Variants in AGAP1 observed in about 807,000 individuals in gnomAD.
The protein encoded by AGAP1 is ArfGAP with GTPase domain, ankyrin repeat and PH domain 1.
In AGAP1, 29 loss-of-function variants were observed where a neutral mutation model predicts 105.3. The ratio of observed to expected loss-of-function variants is 0.28; its 90% CI spans 0.21 to 0.38. The LOEUF is 0.38. AGAP1 is among the 10% of genes least tolerant of loss of function. AGAP1 has a pLI of 1.00. For synonymous variants in AGAP1, 509 were observed against 485.9 expected (o/e 1.05, Z -0.63); for missense variants, 998 against 1,165.1 (o/e 0.86, Z 2.09).
At chr2:235,916,273 A>G (rs2051879577) in intron 11 of AGAP1, among the ~76,000 whole-genome samples, 1 of 152,178 alleles carries the variant, frequency 6.6e-6, no homozygotes, top group African/African-American at 2.4e-5. Context: ...ATCCACTTCC[A>G]TTCTTTTGGC....
Position 235,578,432 on chromosome 2 carries a change from A to C in AGAP1, c.163+83583A>C, listed in dbSNP as rs569504531. 1.2e-4 allele frequency among the ~76,000 whole-genome samples: 18 copies of C among 152,320 alleles called. No homozygotes were observed. In the South Asian group the frequency reaches 2.9e-3, roughly 25 times the overall value. On this transcript the variant is annotated intron_variant, in intron 1 of 17. Transcript: ENST00000304032. The surrounding 1 kb of genome is among the most constrained non-coding windows in gnomAD (Gnocchi z 4.9). ...TGCCAGTGTGAATGTACTTAGTGCCACTGAGCTGCACACTTAAAAGTGGGT... is the reference window on the plus strand; with the variant it reads ...TGCCAGTGTGAATGTACTTAGTGCCCCTGAGCTGCACACTTAAAAGTGGGT...
chr2:235,974,582 T>A (rs1284223763), intron 13 of AGAP1, among the ~76,000 whole-genome samples: 1 of 152,218 alleles, frequency 6.6e-6, no homozygotes, highest in Non-Finnish European at 1.5e-5. Context: ...CACCATTGTG[T>A]GGTTGATCCT....
Position 235,777,095 on chromosome 2 carries a change from A to G in AGAP1, c.674-20664A>G, listed in dbSNP as rs1267614871. On this transcript the variant is annotated intron_variant, in intron 6 of 17. Transcript: ENST00000304032. The surrounding 1 kb of genome is among the most constrained non-coding windows in gnomAD (Gnocchi z 5.1). ...GAAGTGATGCTGGGCGCGGTGGCTC[A>G]TGCCTGTAATTCCAGCACTTTGAGA... The G allele has an allele frequency of 2.1e-6, 1 of 470,292 alleles. No homozygotes were observed. The highest frequency in any genetic ancestry group is 4.4e-6 in the Non-Finnish European group (1 of 226,656). 29.1% of individuals were successfully genotyped at this position (470,292 alleles called of 1,614,324 possible). A position where few individuals can be genotyped will look rare whatever the true frequency, so the allele number is the denominator to read the frequency against.
intron 1 of AGAP1, among the ~76,000 whole-genome samples, chr2:235,545,973 C>T (rs1293627164): frequency 1.3e-5 from 2 of 152,232 alleles, no homozygotes; most frequent in African/African-American, 2.4e-5. Flanking sequence ...CCCCTAGGCA[C>T]CTTGGCCAGA....
chr2:236,055,780 T>C lies in AGAP1; in HGVS notation c.2114+6499T>C, dbSNP rs964750919. Among the ~76,000 whole-genome samples, 1 of 152,208 alleles carries C rather than the reference T, an allele frequency of 6.6e-6. No individual in the cohort carries two copies. The highest frequency in any genetic ancestry group is 6.5e-5 in the Admixed American group (1 of 15,282). ...ACAGCTGCTCAGGGACCTCAGCCCT[T>C]ACTTAAGATATTTTAGCAACTTCTC... is the stretch of plus-strand genomic sequence containing the variant. On this transcript the variant is annotated intron_variant, in intron 16 of 17. Coordinates refer to ENST00000304032, the MANE Select transcript of AGAP1 (RefSeq NM_001037131.3). This position sits in a 1 kb window ranked among gnomAD's most constrained non-coding sequence, Gnocchi z 6.2.
At chr2:236,026,584 C>T (rs1271021617) in intron 13 of AGAP1, among the ~76,000 whole-genome samples, 1 of 152,132 alleles carries the variant, frequency 6.6e-6, no homozygotes, top group East Asian at 1.9e-4. Flanking sequence ...CAAAAATTAG[C>T]TGGGCGTGGT....
chr2:235,497,129 G>A (rs910004894), intron 1 of AGAP1, among the ~76,000 whole-genome samples: 4 of 152,254 alleles, frequency 2.6e-5, no homozygotes, highest in African/African-American at 9.6e-5. Context: ...ACCCTGTGAG[G>A]GTGGGTGGGT....
At chr2:235,871,695 G>A (rs2049448682) in intron 9 of AGAP1, among the ~76,000 whole-genome samples, 1 of 152,230 alleles carries the variant, frequency 6.6e-6, no homozygotes, top group Non-Finnish European at 1.5e-5. Flanking sequence ...ATGATCATTT[G>A]ACTGTTTCTT....
chr2:235,610,717 C>G lies in AGAP1; in HGVS notation c.164-98462C>G, dbSNP rs1338719738. Among the ~76,000 whole-genome samples the G allele has an allele frequency of 6.6e-6, 1 of 152,164 alleles. No individual in the cohort carries two copies. Among genetic ancestry groups the G allele is most frequent in the African/African-American group, 2.4e-5 (1 of 41,426 alleles). On this transcript the variant is annotated intron_variant, in intron 1 of 17. Transcript: ENST00000304032. This position sits in a 1 kb window ranked among gnomAD's most constrained non-coding sequence, Gnocchi z 4.9. The stretch of plus-strand genomic sequence containing the variant: ...ATTGCAGACCCGCCATCCTCAAACG[C>G]ACTGTGCTCCCGTGAGCTCCCTGCC...
At chr2:235,638,252 A>ATAT (rs1341954405) in intron 1 of AGAP1, among the ~76,000 whole-genome samples, 1 of 152,162 alleles carries the variant, frequency 6.6e-6, no homozygotes, top group Non-Finnish European at 1.5e-5. Context: ...ATCCTGGGCT[A>ATAT]TAAGGTAGGA....
chr2:235,886,538 T>C (rs1273922027), intron 10 of AGAP1, among the ~76,000 whole-genome samples: 1 of 152,232 alleles, frequency 6.6e-6, no homozygotes, highest in African/African-American at 2.4e-5. Context: ...CCCTCAGTGT[T>C]TGCCAATTCC....
intron 1 of AGAP1, among the ~76,000 whole-genome samples, chr2:235,588,347 G>A (rs1945199304): frequency 6.6e-6 from 1 of 152,178 alleles, no homozygotes; most frequent in South Asian, 2.1e-4. Flanking sequence ...AGAACAAAGG[G>A]AAGGCTAGGG....
At position 235,729,862 on chromosome 2, in the gene AGAP1, T is replaced by C. The variant is rs989573547; in HGVS notation, c.311-11101T>C. 6.6e-6 allele frequency among the ~76,000 whole-genome samples: 1 copy of C among 152,144 alleles called. No homozygotes were observed. The highest frequency in any genetic ancestry group is 2.4e-5 in the African/African-American group (1 of 41,392). On this transcript the variant is annotated intron_variant, in intron 3 of 17. Transcript: ENST00000304032. This position sits in a 1 kb window ranked among gnomAD's most constrained non-coding sequence, Gnocchi z 5.0. ...TGAGAACAGAGGTTTTTAGTTTCTTTAAAGGGTTGTAAACATAAAAACAAA... is the reference window on the plus strand; with the variant it reads ...TGAGAACAGAGGTTTTTAGTTTCTTCAAAGGGTTGTAAACATAAAAACAAA...
intron 16 of AGAP1, among the ~76,000 whole-genome samples, chr2:236,088,290 C>T (rs954159152): frequency 6.6e-5 from 10 of 152,320 alleles, no homozygotes; most frequent in Admixed American, 2.6e-4. Context: ...TCCTACAATG[C>T]TTTGAAAGGG....
intron 13 of AGAP1, among the ~76,000 whole-genome samples, chr2:236,011,241 C>T (rs1296643199): frequency 1.3e-5 from 2 of 152,178 alleles, no homozygotes; most frequent in Non-Finnish European, 2.9e-5. Flanking sequence ...GCTGTCCTCC[C>T]ACGAGTGGCA....
chr2:235,910,039 C>T (rs1207305039), intron 11 of AGAP1, among the ~76,000 whole-genome samples: 1 of 151,926 alleles, frequency 6.6e-6, no homozygotes, highest in Non-Finnish European at 1.5e-5. Flanking sequence ...ACAGATTTCT[C>T]TCCTATGAGA....
rs145559245 is a variant in AGAP1, at chr2:235,806,885, C to T, written c.958-354C>T. Among the ~76,000 whole-genome samples the T allele has an allele frequency of 2.8e-3, 431 of 152,262 alleles. 2 individuals are homozygous for T. The highest frequency in any genetic ancestry group is 0.02 in the East Asian group (103 of 5,182). On this transcript the variant is annotated intron_variant, in intron 8 of 17. Transcript: ENST00000304032. ...ATTTTCCAAATAAACATTGAGCAGC[C>T]CCTTTTTTCCTCGGCTGTGTGAACT...
At chr2:235,947,911 A>G (rs1054381262) in intron 12 of AGAP1, among the ~76,000 whole-genome samples, 2 of 152,210 alleles carry the variant, frequency 1.3e-5, no homozygotes, top group Non-Finnish European at 2.9e-5. Context: ...ACTGAGTCCT[A>G]AATAATTTGA....
At chr2:236,049,467 A>G in intron 16 of AGAP1, 186 bp downstream of exon 16, 2 of 535,016 alleles carry the variant, frequency 3.7e-6, no homozygotes, top group South Asian at 3.0e-5. Flanking sequence ...GATAATTCAC[A>G]CTCCTTAATT....
Sources: gnomAD v4.1 joint callset for allele counts (sites outside exome capture counted in the v4.1 genomes callset) on GRCh38, gnomAD v4.1.1 for gene constraint, Gnocchi (gnomAD v3.1) non-coding constraint, MANE v1.5 for transcripts, NCBI Gene and HGNC (gene_info 2026-07-23, HGNC 2026-07-21) for gene names.